POLR1C: variants seen among roughly 807,000 people sequenced by gnomAD.
POLR1C encodes DNA-directed RNA polymerases I and III subunit RPAC1.
In POLR1C, 42 loss-of-function variants were observed where a neutral mutation model predicts 38.3. That is an observed-to-expected ratio of 1.10 (90% confidence interval 0.86 to 1.42). The LOEUF (loss-of-function observed/expected upper bound fraction) is 1.42. Ranked by LOEUF, POLR1C falls within the 40% of genes most tolerant of loss-of-function variation. POLR1C has a pLI of 0.00. For synonymous variants in POLR1C, 163 were observed against 163.9 expected (o/e 0.99, Z 0.04); for missense variants, 507 against 450.5 (o/e 1.13, Z -1.14).
At chr6:43,521,721 G>A (rs1052159677), downstream of POLR1C, among the ~76,000 whole-genome samples, 1 of 151,882 alleles carries the variant, frequency 6.6e-6, no homozygotes, top group South Asian at 2.1e-4. Context: ...AGTAGAGACA[G>A]GGTTTCACCA....
downstream of POLR1C, chr6:43,525,841 C>T: frequency 6.2e-7 from 1 of 1,614,032 alleles, no homozygotes; most frequent in South Asian, 1.1e-5. Context: ...CTACCCACCT[C>T]ATGCTTCATC....
intron 8 of POLR1C, chr6:43,527,702 G>T: frequency 6.2e-7 from 1 of 1,613,954 alleles, no homozygotes. Context: ...TTGAGACTCT[G>T]GGTTTTCATC....
At chr6:43,525,564 C>G, downstream of POLR1C, 3 of 522,506 alleles carry the variant, frequency 5.7e-6, no homozygotes, top group East Asian at 3.2e-5. Context: ...AGGATGGAGA[C>G]AAAGCTCAGG....
intron 10 of POLR1C, chr6:43,553,695 G>C: frequency 8.0e-7 from 1 of 1,243,902 alleles, no homozygotes; most frequent in Non-Finnish European, 1.0e-6. Context: ...AAAGCAATGA[G>C]GTAGGTGAAG....
chr6:43,553,887 A>G (rs1366842534), intron 10 of POLR1C, among the ~76,000 whole-genome samples: 2 of 146,510 alleles, frequency 1.4e-5, no homozygotes, highest in Non-Finnish European at 3.1e-5. Flanking sequence ...CCCCCTTTAT[A>G]ATCTTTTCCA....
chr6:43,561,968 G>A, exon 11 of POLR1C: 1 of 271,946 alleles, frequency 3.7e-6, no homozygotes. Context: ...TTGAGGTTCT[G>A]TAAGTACCAA....
intron 9 of POLR1C, chr6:43,539,413 G>A (rs1794556998): frequency 6.4e-6 from 10 of 1,573,400 alleles, no homozygotes; most frequent in Non-Finnish European, 8.6e-6. Context: ...AGGCCCCCAG[G>A]AAAAAGTCAA....
At chr6:43,561,339 C>A in intron 10 of POLR1C, 1 of 239,934 alleles carries the variant, frequency 4.2e-6, no homozygotes, top group Non-Finnish European at 8.2e-6. Flanking sequence ...ATTCACATCT[C>A]TGTGTCCCAA....
Position 43,549,509 on chromosome 6 carries a change from C to A in POLR1C, c.*5-1459C>A. 6.2e-7 allele frequency: 1 copy of A among 1,612,604 alleles called. No homozygotes were observed. The highest frequency in any genetic ancestry group is 8.5e-7 in the Non-Finnish European group (1 of 1,179,522). On this transcript the variant is annotated intron_variant, in intron 9 of 10. Coordinates refer to the POLR1C transcript ENST00000607635. ...CTTACCAGCACAAGCTGGGGGTAGTCACGACACATCTTGATGATGGAGGAA... is the reference window on the plus strand; with the variant it reads ...CTTACCAGCACAAGCTGGGGGTAGTAACGACACATCTTGATGATGGAGGAA...
At chr6:43,535,534 G>A (rs1288968065) in intron 9 of POLR1C, among the ~76,000 whole-genome samples, 1 of 152,134 alleles carries the variant, frequency 6.6e-6, no homozygotes, top group Non-Finnish European at 1.5e-5. Flanking sequence ...AGCCTCCATA[G>A]TTTGTTCTGT....
chr6:43,526,815 C>A, intron 8 of POLR1C: 1 of 1,518,622 alleles, frequency 6.6e-7, no homozygotes, highest in Non-Finnish European at 9.0e-7. Flanking sequence ...CACCTCAGGC[C>A]CACTGATCCC....
At chr6:43,520,483 A>G (rs542238947) in intron 6 of POLR1C, 56 bp downstream of exon 6, 2 of 1,609,302 alleles carry the variant, frequency 1.2e-6, no homozygotes, top group Non-Finnish European at 1.7e-6. Context: ...CAGTGGGGCA[A>G]GCTGACTAGG....
chr6:43,550,956 C>A, intron 9 of POLR1C: 1 of 168,592 alleles, frequency 5.9e-6, no homozygotes, highest in Non-Finnish European at 1.3e-5. Flanking sequence ...GTTTTTGTGC[C>A]TTTCTTCCCA....
intron 9 of POLR1C, among the ~76,000 whole-genome samples, chr6:43,543,851 AT>A (rs1250001132): frequency 6.6e-6 from 1 of 151,856 alleles, no homozygotes; most frequent in South Asian, 2.1e-4. Flanking sequence ...TAATTTTTGT[AT>A]TTTTAGTAGA....
downstream of POLR1C, chr6:43,523,528 T>G: frequency 1.1e-5 from 5 of 457,788 alleles, no homozygotes; most frequent in African/African-American, 2.0e-5. Context: ...TTAGTTACCA[T>G]TCTGTACAGG....
chr6:43,524,368 AAAAT>A, downstream of POLR1C: 2 of 1,430,240 alleles, frequency 1.4e-6, no homozygotes, highest in African/African-American at 2.9e-5. Flanking sequence ...AAAAAAAAAA[AAAAT>A]CTCACCATAA....
At chr6:43,523,656 T>A (rs768829566), downstream of POLR1C, 6 of 832,658 alleles carry the variant, frequency 7.2e-6, no homozygotes, top group South Asian at 8.0e-5. Context: ...CTAGACAGAA[T>A]AGTTTAAGCC....
At position 43,519,398 on chromosome 6, in the gene POLR1C, C is replaced by CG. The variant is rs1561856961; in HGVS notation, c.208dup (p.Ala70GlyfsTer14). On this transcript the variant is annotated frameshift_variant, in exon 3 of 9. Coordinates refer to ENST00000642195, the MANE Select transcript of POLR1C (RefSeq NM_203290.4). LOFTEE classifies it high-confidence loss of function. ...TGGAGTTTGACATGGTGGGAATTGA[C>CG]GCAGCCATTGCCAATGCTTTTCGAC... 1.6e-5 allele frequency: 26 copies of CG among 1,613,608 alleles called. No homozygotes were observed. The highest frequency in any genetic ancestry group is 2.1e-5 in the Non-Finnish European group (25 of 1,179,648).
downstream of POLR1C, chr6:43,524,964 A>G: frequency 1.9e-6 from 3 of 1,613,190 alleles, no homozygotes; most frequent in Non-Finnish European, 1.7e-6. Context: ...TGTCCCTGAC[A>G]GCACCTGGGG....
Sources: allele counts gnomAD v4.1 joint callset (sites outside exome capture counted in the v4.1 genomes callset), GRCh38; gene constraint gnomAD v4.1.1; transcripts MANE v1.5; gene names NCBI Gene and HGNC (gene_info 2026-07-23, HGNC 2026-07-21).